OGDH: variants seen among roughly 807,000 people sequenced by gnomAD.
OGDH encodes the protein oxoglutarate dehydrogenase.
Under a neutral mutation model 116.6 loss-of-function variants are expected in OGDH, and 38 were observed. The observed-to-expected ratio is 0.33, with a 90% CI of 0.25 to 0.43. OGDH has a LOEUF of 0.43. Among genes scored for constraint, OGDH ranks in the 20% least tolerant of loss-of-function variants. OGDH has a pLI of 1.00. For synonymous variants in OGDH, 488 were observed against 533.3 expected (o/e 0.92, Z 1.17); for missense variants, 825 against 1,357.2 (o/e 0.61, Z 6.16).
intron 19 of OGDH, 131 bp downstream of exon 19, chr7:44,700,400 A>G (rs1310213872): frequency 1.7e-6 from 2 of 1,192,940 alleles, no homozygotes; most frequent in Non-Finnish European, 2.3e-6. Flanking sequence ...TGGACAGGAC[A>G]TGGTGTCAGG....
chr7:44,695,996 G>A, intron 12 of OGDH, 29 bp from the exon 13 acceptor site: 1 of 1,267,702 alleles, frequency 7.9e-7, no homozygotes, highest in Non-Finnish European at 1.2e-6. Context: ...CCCTGTGCCA[G>A]TCACGCTGTG....
rs374216035 is a variant in OGDH, at chr7:44,676,029, C to T, written c.1086C>T (p.Thr362=). Residue 362 remains threonine (T), a synonymous_variant, in exon 9 of 23, where the codon ACC becomes ACT. Transcript: ENST00000222673. ...ATCACCGCAGGATCAATCGTGTCAC[C>T]GACAGGAACATTACCTTGTCCTTGG... is the stretch of plus-strand genomic sequence containing the variant. ...GMYHRRINRV[T]DRNITLSLVA... 2.4e-5 allele frequency: 38 copies of T among 1,613,988 alleles called. No individual in the cohort carries two copies. Among genetic ancestry groups the T allele is most frequent in the South Asian group, 8.8e-5 (8 of 91,080 alleles).
chr7:44,701,273 G>C lies in OGDH; in HGVS notation c.2560-270G>C, dbSNP rs137920594. Among the ~76,000 whole-genome samples the C allele has an allele frequency of 1.2e-4, 18 of 152,278 alleles. No individual in the cohort carries two copies. The East Asian group carries it at 3.3e-3, about 28-fold the overall frequency. ...GTCAGAGCTCTTTCCTAGGTACAGA[G>C]AAGCAGGGAAGGGAGTATTGGGAGT... is the stretch of plus-strand genomic sequence containing the variant. On this transcript the variant is annotated intron_variant, in intron 19 of 22. Coordinates refer to ENST00000222673, the MANE Select transcript of OGDH (RefSeq NM_002541.4).
In OGDH at chr7:44,635,449, C is replaced by T. The variant is rs186204560; in HGVS notation, c.223-9878C>T. ...ACCGGAGCCTGCCCCACCCGCGCCG[C>T]GGATTATTTAGACAAGGTGGCAGTA... On this transcript the variant is annotated intron_variant, in intron 2 of 22. Coordinates refer to ENST00000222673, the MANE Select transcript of OGDH (RefSeq NM_002541.4). 4.7e-3 allele frequency among the ~76,000 whole-genome samples: 713 copies of T among 152,196 alleles called. 8 individuals are homozygous for T. Among genetic ancestry groups the T allele is most frequent in the African/African-American group, 0.016 (667 of 41,514 alleles).
At chr7:44,655,697 T>C (rs1054374061) in intron 4 of OGDH, among the ~76,000 whole-genome samples, 6 of 152,172 alleles carry the variant, frequency 3.9e-5, no homozygotes, top group African/African-American at 1.4e-4. Flanking sequence ...TTATGTATAG[T>C]AGAAATCCGA....
chr7:44,706,230 AT>A (rs1562694430), intron 20 of OGDH, among the ~76,000 whole-genome samples: 1 of 150,406 alleles, frequency 6.6e-6, no homozygotes, highest in Non-Finnish European at 1.5e-5. Flanking sequence ...ACTGTTCTCT[AT>A]CTGAATATTT....
At chr7:44,662,810 A>T (rs2116004527) in intron 4 of OGDH, among the ~76,000 whole-genome samples, 1 of 152,246 alleles carries the variant, frequency 6.6e-6, no homozygotes, top group Non-Finnish European at 1.5e-5. Context: ...AACTCCTGTC[A>T]TTTGAATTGT....
At chr7:44,623,125 G>A (rs1785065686) in intron 1 of OGDH, among the ~76,000 whole-genome samples, 2 of 152,148 alleles carry the variant, frequency 1.3e-5, no homozygotes, top group Admixed American at 6.5e-5. Flanking sequence ...AAGGTGGCAG[G>A]CAGGACACTG....
chr7:44,681,555 G>A (rs1787930432), intron 9 of OGDH, among the ~76,000 whole-genome samples, 165 bp from the exon 10 acceptor site: 2 of 152,208 alleles, frequency 1.3e-5, no homozygotes, highest in South Asian at 4.1e-4. Context: ...CAAGGTGCTA[G>A]CATGTTGGGG....
chr7:44,701,147 G>A (rs1047423463), intron 19 of OGDH, among the ~76,000 whole-genome samples: 1 of 152,236 alleles, frequency 6.6e-6, no homozygotes, highest in South Asian at 2.1e-4. Flanking sequence ...GCAGTCCAAG[G>A]GCCCACAGGG....
At chr7:44,656,237 G>C in intron 4 of OGDH, 1 of 1,358,632 alleles carries the variant, frequency 7.4e-7, no homozygotes, top group Non-Finnish European at 1.0e-6. Flanking sequence ...TAGGGTTTTG[G>C]TGTTTGGGTC....
intron 4 of OGDH, among the ~76,000 whole-genome samples, chr7:44,655,775 C>T (rs534265873): frequency 3.3e-5 from 5 of 152,302 alleles, no homozygotes; most frequent in African/African-American, 1.2e-4. Flanking sequence ...GGGTTGTTTT[C>T]AGCTAGCAAG....
Position 44,707,816 on chromosome 7 carries a change from G to A in OGDH, c.2952-63G>A. On this transcript the variant is annotated intron_variant, in intron 22 of 22. Coordinates refer to ENST00000222673, the MANE Select transcript of OGDH (RefSeq NM_002541.4). The surrounding 1 kb of genome is among the most constrained non-coding windows in gnomAD (Gnocchi z 5.2). ...GGCAGTTAGCCAGGCACATGCAGCAGAGGGATGGGCTGGGCCAACTCAGTG... is the reference window on the plus strand; with the variant it reads ...GGCAGTTAGCCAGGCACATGCAGCAAAGGGATGGGCTGGGCCAACTCAGTG... 1 of 1,609,352 alleles carries A rather than the reference G, an allele frequency of 6.2e-7. No homozygotes were observed. Among genetic ancestry groups the A allele is most frequent in the Admixed American group, 1.7e-5 (1 of 59,848 alleles).
chr7:44,616,789 A>G (rs1160475414), intron 1 of OGDH, among the ~76,000 whole-genome samples: 2 of 113,406 alleles, frequency 1.8e-5, no homozygotes, highest in East Asian at 7.0e-4. Flanking sequence ...ATATGCATAT[A>G]TATATGTGTA....
rs1437153815 is a variant in OGDH at position 44,707,599 on chromosome 7, T to G, written c.2814T>G (p.Phe938Leu). Residue 938 changes from phenylalanine (F) to leucine (L), a missense_variant, in exon 22 of 23, where the codon TTT becomes TTG. By Grantham distance (22) the Phe-to-Leu change is conservative (BLOSUM62 0). Transcript: ENST00000222673. This position sits in a 1 kb window ranked among gnomAD's most constrained non-coding sequence, Gnocchi z 5.2. ...TRIEQLSPFPFDLLLKEVQKY... is the reference protein window; with the variant it reads ...TRIEQLSPFPLDLLLKEVQKY... ...TCTCCTAGCTGTCGCCATTCCCCTT[T>G]GACCTCCTGCTGAAGGAGGTGCAGA... 3.7e-6 allele frequency: 6 copies of G among 1,613,926 alleles called. No homozygotes were observed. The highest frequency in any genetic ancestry group is 4.2e-6 in the Non-Finnish European group (5 of 1,180,048).
At chr7:44,669,052 C>A (rs1337911466) in intron 5 of OGDH, among the ~76,000 whole-genome samples, 2 of 150,938 alleles carry the variant, frequency 1.3e-5, no homozygotes, top group Non-Finnish European at 3.0e-5. Context: ...TTTTCTGTTA[C>A]AACAGCCATC....
chr7:44,628,969 C>G (rs1447618216), intron 2 of OGDH, among the ~76,000 whole-genome samples: 1 of 152,102 alleles, frequency 6.6e-6, no homozygotes, highest in Non-Finnish European at 1.5e-5. Flanking sequence ...AGACTTTCGT[C>G]TCTGTTCTAG....
Position 44,696,121 on chromosome 7 carries a change from T to G in OGDH, c.1765T>G (p.Trp589Gly). ...CATTAAGCACTGGCTGGACTCTCCC[T>G]GGCCTGGTGAGTGAAGAAACAGTGC... ...LHIKHWLDSP[W>G]PGFFTLDGQP... Residue 589 changes from tryptophan to glycine, a missense_variant, in exon 13 of 23, where the codon TGG (tryptophan) becomes GGG (glycine). Physicochemically the swap from Trp to Gly is radical, Grantham distance 184 (BLOSUM62 -2). This residue lies in a region of OGDH where 92 missense variants were observed against 129.7 expected (regional missense o/e 0.71). Transcript: ENST00000222673. 6.3e-7 allele frequency: 1 copy of G among 1,599,496 alleles called. No homozygotes were observed.
intron 5 of OGDH, among the ~76,000 whole-genome samples, chr7:44,669,733 C>T (rs1562655732): frequency 6.6e-6 from 1 of 151,496 alleles, no homozygotes; most frequent in Non-Finnish European, 1.5e-5. Flanking sequence ...CTCTTGTTGT[C>T]TGAGATGGTT....
Sources: allele counts gnomAD v4.1 joint callset (sites outside exome capture counted in the v4.1 genomes callset), GRCh38; gene constraint gnomAD v4.1.1; regional missense constraint gnomAD v4.1.1; non-coding constraint Gnocchi (gnomAD v3.1); transcripts MANE v1.5; gene names NCBI Gene and HGNC (gene_info 2026-07-23, HGNC 2026-07-21).